The following GARIN3 variants were observed in gnomAD, a reference collection of about 807,000 sequenced individuals.
GARIN3 encodes the protein golgi associated RAB2 interactor family member 3.
the GARIN3 span, among the ~76,000 whole-genome samples, chr5:157,165,084 A>G: frequency 6.6e-6 from 1 of 152,190 alleles, no homozygotes; most frequent in African/African-American, 2.4e-5. Context: ...GAAGGGTTGG[A>G]GGGGGTGAGG....
At chr5:157,165,536 A>G in the GARIN3 span, 2 of 1,577,258 alleles carry the variant, frequency 1.3e-6, no homozygotes, top group Non-Finnish European at 1.7e-6. Context: ...AACCTGCCCC[A>G]TGTTCTCGAG....
At chr5:157,162,544 A>G in the GARIN3 span, 4 of 1,613,814 alleles carry the variant, frequency 2.5e-6, no homozygotes, top group South Asian at 4.4e-5. Context: ...GGCTTTCTCC[A>G]CTTTGGCCTC....
chr5:157,165,307 A>T, the GARIN3 span, among the ~76,000 whole-genome samples: 3 of 152,050 alleles, frequency 2.0e-5, no homozygotes, highest in Admixed American at 6.5e-5. Flanking sequence ...TGGTGTAGAA[A>T]GGATTTCAAC....
At chr5:157,165,553 A>G in the GARIN3 span, 39 of 1,596,614 alleles carry the variant, frequency 2.4e-5, no homozygotes, top group Non-Finnish European at 3.2e-5. Context: ...CGAGCCTTTG[A>G]GAGGCTTACC....
chr5:157,165,432 G>T, the GARIN3 span: 1 of 1,395,390 alleles, frequency 7.2e-7, no homozygotes, highest in Non-Finnish European at 9.6e-7. Context: ...GGCTCATTTG[G>T]TCCTGAGCCC....
At chr5:157,162,419 C>T in the GARIN3 span, 1 of 1,600,884 alleles carries the variant, frequency 6.2e-7, no homozygotes, top group Non-Finnish European at 8.5e-7. Context: ...CTTCCAGATC[C>T]CTGGGCGGTT....
At chr5:157,166,222 G>C in the GARIN3 span, 1 of 1,558,752 alleles carries the variant, frequency 6.4e-7, no homozygotes. Flanking sequence ...CCCCGAGAGA[G>C]AGACGGAGAG....
chr5:157,162,970 C>G, the GARIN3 span: 1 of 1,614,098 alleles, frequency 6.2e-7, no homozygotes, highest in African/African-American at 1.3e-5. Flanking sequence ...CTTCTTTTCT[C>G]TTCTTTCCTT....
chr5:157,165,543 C>G, the GARIN3 span: 3 of 1,585,616 alleles, frequency 1.9e-6, no homozygotes, highest in Non-Finnish European at 2.6e-6. Context: ...CCCATGTTCT[C>G]GAGCCTTTGA....
chr5:157,162,331 A>G, the GARIN3 span: 7 of 1,434,384 alleles, frequency 4.9e-6, no homozygotes, highest in Non-Finnish European at 6.6e-6. Flanking sequence ...AGGAGATTGT[A>G]TTTCTTTTGG....
At chr5:157,162,096 G>T in the GARIN3 span, 1 of 306,074 alleles carries the variant, frequency 3.3e-6, no homozygotes, top group Non-Finnish European at 6.1e-6. Context: ...TGGGCGAGGG[G>T]ACATGGTGGT....
chr5:157,164,776 G>A, the GARIN3 span, among the ~76,000 whole-genome samples: 21 of 151,806 alleles, frequency 1.4e-4, no homozygotes, highest in African/African-American at 2.2e-4. Flanking sequence ...GACTCAAATC[G>A]AAGAAAGACT....
the GARIN3 span, among the ~76,000 whole-genome samples, chr5:157,164,022 A>G: frequency 6.6e-6 from 1 of 152,024 alleles, no homozygotes; most frequent in African/African-American, 2.4e-5. Context: ...GCGCCACTCC[A>G]CTGCACTCCA....
chr5:157,165,029 T>A, the GARIN3 span, among the ~76,000 whole-genome samples: 1 of 151,678 alleles, frequency 6.6e-6, no homozygotes, highest in Non-Finnish European at 1.5e-5. Context: ...CAAAAAAAAA[T>A]TGCACAAAAA....
At chr5:157,165,521 C>A in the GARIN3 span, 3 of 1,558,360 alleles carry the variant, frequency 1.9e-6, no homozygotes, top group Admixed American at 5.7e-5. Context: ...ACTGCTCCCC[C>A]AAAGAACCTG....
At chr5:157,162,362 T>G in the GARIN3 span, 4 of 1,507,806 alleles carry the variant, frequency 2.7e-6, no homozygotes, top group African/African-American at 4.2e-5. Context: ...TTTCCTTTAT[T>G]ATTTGAACTG....
chr5:157,162,674 C>G, the GARIN3 span: 1 of 1,614,182 alleles, frequency 6.2e-7, no homozygotes, highest in South Asian at 1.1e-5. Context: ...ATCTTACTGG[C>G]TTTCTTTTGT....
the GARIN3 span, chr5:157,162,911 T>C: frequency 6.2e-7 from 1 of 1,614,088 alleles, no homozygotes; most frequent in Non-Finnish European, 8.5e-7. Context: ...CTGCGGTGAC[T>C]TTCACCTGCC....
the GARIN3 span, chr5:157,162,183 C>T: frequency 1.9e-6 from 1 of 521,558 alleles, no homozygotes; most frequent in Non-Finnish European, 3.3e-6. Context: ...AAGCTGAACA[C>T]TCACGTTGGC....
Sources: gnomAD v4.1 joint callset for allele counts (sites outside exome capture counted in the v4.1 genomes callset) on GRCh38, gnomAD v4.1.1 for gene constraint, MANE v1.5 for transcripts, NCBI Gene and HGNC (gene_info 2026-07-23, HGNC 2026-07-21) for gene names.